KCND2: variants seen among roughly 807,000 people sequenced by gnomAD.
The protein encoded by KCND2 is A-type voltage-gated potassium channel KCND2.
In KCND2, 16 loss-of-function variants were observed where a neutral mutation model predicts 54.4. The observed-to-expected ratio is 0.29, with a 90% CI of 0.20 to 0.45. The LOEUF is 0.45. Ranked by LOEUF, KCND2 falls within the 20% of genes least tolerant of loss-of-function variation. The pLI is 1.00. For missense variants in KCND2, 486 were observed against 824.2 expected (o/e 0.59, Z 5.02); for synonymous variants, 317 against 310.7 (o/e 1.02, Z -0.21).
chr7:120,421,815 C>T (rs1801628519), intron 1 of KCND2, among the ~76,000 whole-genome samples: 1 of 152,108 alleles, frequency 6.6e-6, no homozygotes, highest in South Asian at 2.1e-4. Flanking sequence ...AAAATAAGGC[C>T]CCTCCATCCA....
intron 1 of KCND2, among the ~76,000 whole-genome samples, chr7:120,338,973 C>G (rs1337659020): frequency 6.6e-6 from 1 of 151,912 alleles, no homozygotes; most frequent in Non-Finnish European, 1.5e-5. Context: ...CTCCACCTCC[C>G]GAGTTCACGC....
At chr7:120,701,706 C>T (rs1444260196) in intron 1 of KCND2, among the ~76,000 whole-genome samples, 1 of 152,080 alleles carries the variant, frequency 6.6e-6, no homozygotes, top group Non-Finnish European at 1.5e-5. Context: ...GAGGAAAGGA[C>T]TCCTTATTTA....
chr7:120,494,390 G>A (rs1187342740), intron 1 of KCND2, among the ~76,000 whole-genome samples: 1 of 152,098 alleles, frequency 6.6e-6, no homozygotes, highest in African/African-American at 2.4e-5. Context: ...ACATGGAAAT[G>A]ACTCAAAAAT....
intron 1 of KCND2, among the ~76,000 whole-genome samples, chr7:120,690,648 T>C (rs1792257345): frequency 6.6e-6 from 1 of 152,210 alleles, no homozygotes; most frequent in South Asian, 2.1e-4. Flanking sequence ...AGAGTTAGAA[T>C]GCATTTTAGA....
intron 1 of KCND2, among the ~76,000 whole-genome samples, chr7:120,466,850 C>T (rs976440311): frequency 5.9e-5 from 9 of 151,996 alleles, no homozygotes; most frequent in Non-Finnish European, 4.4e-5. Context: ...GGAGAGAATC[C>T]ACTCTCTCAT....
At chr7:120,390,958 A>T (rs984528545) in intron 1 of KCND2, among the ~76,000 whole-genome samples, 3 of 152,016 alleles carry the variant, frequency 2.0e-5, no homozygotes, top group African/African-American at 7.2e-5. Flanking sequence ...GGGGCAGGTT[A>T]GTTACATAGG....
intron 1 of KCND2, among the ~76,000 whole-genome samples, chr7:120,365,570 C>G (rs1800662322): frequency 6.6e-6 from 1 of 152,062 alleles, no homozygotes; most frequent in Non-Finnish European, 1.5e-5. Flanking sequence ...AGTCAATGCC[C>G]TGAACAAGCC....
At chr7:120,328,717 TTCTTA>T (rs1351900586) in intron 1 of KCND2, among the ~76,000 whole-genome samples, 2 of 152,218 alleles carry the variant, frequency 1.3e-5, no homozygotes, top group African/African-American at 2.4e-5. Flanking sequence ...TTACATTTTC[TTCTTA>T]TCTTCAAAAT....
intron 1 of KCND2, among the ~76,000 whole-genome samples, chr7:120,276,184 A>G (rs1454413522): frequency 1.3e-5 from 2 of 152,212 alleles, no homozygotes; most frequent in East Asian, 3.8e-4. Flanking sequence ...TCATATGAAT[A>G]GATACTTATG....
intron 1 of KCND2, among the ~76,000 whole-genome samples, chr7:120,519,039 GTGGCCT>G (rs2116343812): frequency 6.6e-6 from 1 of 152,126 alleles, no homozygotes; most frequent in African/African-American, 2.4e-5. Flanking sequence ...ACAGAATATG[GTGGCCT>G]TGGCAGTACG....
intron 1 of KCND2, among the ~76,000 whole-genome samples, chr7:120,586,824 T>C (rs1352507751): frequency 6.6e-6 from 1 of 152,138 alleles, no homozygotes; most frequent in Non-Finnish European, 1.5e-5. Context: ...AGACTAGAAC[T>C]ACCCTTACTT....
rs62472323 is a variant in KCND2 at position 120,469,204 on chromosome 7, C to G, written c.1115+193457C>G. Among the ~76,000 whole-genome samples the G allele has an allele frequency of 3.6e-3, 543 of 152,206 alleles. 2 individuals are homozygous for G. The highest frequency in any genetic ancestry group is 6.4e-3 in the Non-Finnish European group (435 of 67,966). On this transcript the variant is annotated intron_variant, in intron 1 of 5. Coordinates refer to ENST00000331113, the MANE Select transcript of KCND2 (RefSeq NM_012281.3). ...TCACAAAACAGATGAATTGGATCCT[C>G]TCATTTGTGAAGCTCAGCACTTCAT...
intron 1 of KCND2, among the ~76,000 whole-genome samples, chr7:120,369,067 T>G (rs1800727035): frequency 6.6e-6 from 1 of 152,070 alleles, no homozygotes; most frequent in South Asian, 2.1e-4. Context: ...TTTGTTATCT[T>G]TGATCCTTCT....
intron 1 of KCND2, among the ~76,000 whole-genome samples, chr7:120,596,580 T>A (rs1025117752): frequency 6.6e-6 from 1 of 152,180 alleles, no homozygotes; most frequent in African/African-American, 2.4e-5. Flanking sequence ...TTGAACTCAG[T>A]GTGTTTGATC....
chr7:120,572,122 G>A (rs1792373528), intron 1 of KCND2, among the ~76,000 whole-genome samples: 1 of 150,736 alleles, frequency 6.6e-6, no homozygotes, highest in Non-Finnish European at 1.5e-5. Context: ...TGTAAGTTCA[G>A]TCAGAAGCCT....
intron 1 of KCND2, among the ~76,000 whole-genome samples, chr7:120,401,232 G>A (rs1584763505): frequency 6.6e-6 from 1 of 152,212 alleles, no homozygotes; most frequent in East Asian, 1.9e-4. Flanking sequence ...AGACCATGCA[G>A]CTGTACTGAC....
chr7:120,484,801 A>T (rs1304782702), intron 1 of KCND2, among the ~76,000 whole-genome samples: 5 of 151,992 alleles, frequency 3.3e-5, no homozygotes. Flanking sequence ...TAAAAGTAAA[A>T]TTTTTGCATT....
intron 2 of KCND2, among the ~76,000 whole-genome samples, chr7:120,740,283 A>G (rs1792924503): frequency 6.6e-6 from 1 of 152,038 alleles, no homozygotes; most frequent in African/African-American, 2.4e-5. Context: ...TGTAGTATTA[A>G]AAATTGTGTC....
At chr7:120,407,997 G>C (rs1425809134) in intron 1 of KCND2, among the ~76,000 whole-genome samples, 1 of 151,710 alleles carries the variant, frequency 6.6e-6, no homozygotes, top group Non-Finnish European at 1.5e-5. Context: ...AAGTTATTCT[G>C]GTGACAAGCG....
Sources: gnomAD v4.1 joint callset for allele counts (sites outside exome capture counted in the v4.1 genomes callset) on GRCh38, gnomAD v4.1.1 for gene constraint, MANE v1.5 for transcripts, NCBI Gene and HGNC (gene_info 2026-07-23, HGNC 2026-07-21) for gene names.